FSIP1: variants seen among roughly 807,000 people sequenced by gnomAD.
FSIP1 encodes fibrous sheath interacting protein 1, also known as fibrous sheath-interacting protein 1.
A neutral mutation model predicts 60.9 loss-of-function variants in FSIP1; 65 were observed. The ratio of observed to expected loss-of-function variants is 1.07; its 90% CI spans 0.87 to 1.31. The LOEUF (loss-of-function observed/expected upper bound fraction) is 1.31, where lower values mean the gene tolerates loss of function less well. FSIP1 is among the 40% of genes most tolerant of loss of function. FSIP1 has a pLI of 0.00. For synonymous variants in FSIP1, 209 were observed against 221.2 expected (o/e 0.94, Z 0.49); for missense variants, 675 against 665.5 (o/e 1.01, Z -0.16).
intron 10 of FSIP1, among the ~76,000 whole-genome samples, chr15:39,660,605 G>A (rs1893258632): frequency 1.3e-5 from 2 of 152,114 alleles, no homozygotes; most frequent in Admixed American, 1.3e-4. Context: ...AAAAGATAAA[G>A]TACATAAGTA....
intron 10 of FSIP1, among the ~76,000 whole-genome samples, chr15:39,645,639 C>T (rs1215704802): frequency 2.0e-5 from 3 of 152,158 alleles, no homozygotes; most frequent in Admixed American, 2.0e-4. Context: ...CTGCCTCTTC[C>T]GAGTTGGCCA....
At chr15:39,692,805 T>C (rs191767104) in intron 10 of FSIP1, among the ~76,000 whole-genome samples, 1 of 152,248 alleles carries the variant, frequency 6.6e-6, no homozygotes, top group East Asian at 1.9e-4. Context: ...ATCTTTGTGT[T>C]TGCACAGCAG....
intron 10 of FSIP1, among the ~76,000 whole-genome samples, chr15:39,624,775 C>A (rs1285663766): frequency 6.6e-6 from 1 of 152,178 alleles, no homozygotes; most frequent in African/African-American, 2.4e-5. Flanking sequence ...GACAATCTGG[C>A]ATATTTTTCA....
chr15:39,654,370 A>C (rs894355927), intron 10 of FSIP1, among the ~76,000 whole-genome samples: 31 of 152,236 alleles, frequency 2.0e-4, no homozygotes. Flanking sequence ...GTGATGTTAC[A>C]ACAGCTACCT....
At chr15:39,676,563 G>A (rs1396288031) in intron 10 of FSIP1, among the ~76,000 whole-genome samples, 1 of 152,104 alleles carries the variant, frequency 6.6e-6, no homozygotes, top group Non-Finnish European at 1.5e-5. Context: ...TCCGTGAAAG[G>A]CACATTTGCC....
At chr15:39,640,844 T>C (rs1165446816) in intron 10 of FSIP1, among the ~76,000 whole-genome samples, 1 of 152,158 alleles carries the variant, frequency 6.6e-6, no homozygotes, top group African/African-American at 2.4e-5. Context: ...CATTGAGCAG[T>C]GTATGAAAGG....
At chr15:39,779,620 C>T (rs184387893) in intron 1 of FSIP1, among the ~76,000 whole-genome samples, 2 of 152,280 alleles carry the variant, frequency 1.3e-5, no homozygotes, top group East Asian at 3.9e-4. Context: ...TGAGCATTTT[C>T]TTATGACATT....
rs1228745055 is a variant in FSIP1, at chr15:39,712,192, T to C, written c.1188+1252A>G. On this transcript the variant is annotated intron_variant, in intron 10 of 11. Coordinates refer to ENST00000350221, the MANE Select transcript of FSIP1 (RefSeq NM_152597.5). ...AGGGGGCCTGAGCTCCTGTAGGCTC[T>C]GTGTCAGTGCTGCTGCAGTGGGCCT... Among the ~76,000 whole-genome samples, 5 of 144,224 alleles carry C rather than the reference T, an allele frequency of 3.5e-5. No individual in the cohort carries two copies. The South Asian group carries it at 1.1e-3, about 31-fold the overall frequency. 94.6% of individuals were successfully genotyped at this position (144,224 alleles called of 152,430 possible). A position where few individuals can be genotyped will look rare whatever the true frequency, so the allele number is the denominator to read the frequency against.
At chr15:39,751,016 T>G (rs1472072554) in intron 5 of FSIP1, among the ~76,000 whole-genome samples, 1 of 151,796 alleles carries the variant, frequency 6.6e-6, no homozygotes, top group Admixed American at 6.6e-5. Context: ...ACCAACAATA[T>G]GAAAAGGTGC....
intron 10 of FSIP1, among the ~76,000 whole-genome samples, chr15:39,671,014 A>G (rs1417680910): frequency 1.3e-5 from 2 of 152,248 alleles, no homozygotes; most frequent in African/African-American, 4.8e-5. Context: ...TACCTCCTGC[A>G]GAGAAATAGA....
chr15:39,623,334 T>C (rs1891513826), intron 10 of FSIP1, among the ~76,000 whole-genome samples: 2 of 152,214 alleles, frequency 1.3e-5, no homozygotes, highest in African/African-American at 2.4e-5. Flanking sequence ...GAAGCAATCT[T>C]GTCCTTTGAT....
At position 39,744,289 on chromosome 15, in the gene FSIP1, G is replaced by GA. The variant is rs569355438; in HGVS notation, c.560-2390dup. ...TCACTACAAACATTCATGTGAGAAG[G>GA]AAAAAAAAATCTCCCTTTAGAGATC... On this transcript the variant is annotated intron_variant, in intron 5 of 11. Coordinates refer to ENST00000350221, the MANE Select transcript of FSIP1 (RefSeq NM_152597.5). Among the ~76,000 whole-genome samples, 116 of 150,838 alleles carry GA rather than the reference G, an allele frequency of 7.7e-4. No individual in the cohort carries two copies. The East Asian group carries it at 0.011, about 14-fold the overall frequency.
Position 39,690,265 on chromosome 15 carries a change from G to A in FSIP1, c.1188+23179C>T, listed in dbSNP as rs73395217. 9.3e-3 allele frequency among the ~76,000 whole-genome samples: 1,418 copies of A among 152,232 alleles called. 20 individuals carry two copies. Among genetic ancestry groups the A allele is most frequent in the African/African-American group, 0.032 (1,338 of 41,520 alleles). ...GGCCATTATAGGATGTTAATCAGGG[G>A]AGTGACATATCATATTTGCATTCTG... On this transcript the variant is annotated intron_variant, in intron 10 of 11. Transcript: ENST00000350221.
intron 2 of FSIP1, among the ~76,000 whole-genome samples, chr15:39,773,445 A>C (rs1336036908): frequency 6.6e-6 from 1 of 152,232 alleles, no homozygotes; most frequent in Non-Finnish European, 1.5e-5. Flanking sequence ...CCTGTAGCTT[A>C]GTAGGTTCAA....
intron 10 of FSIP1, among the ~76,000 whole-genome samples, chr15:39,618,666 G>A (rs1358991509): frequency 1.3e-5 from 2 of 152,232 alleles, no homozygotes; most frequent in Non-Finnish European, 2.9e-5. Flanking sequence ...TCTAGGCAGA[G>A]GCCAGGGGCA....
At chr15:39,671,275 C>T (rs1203929382) in intron 10 of FSIP1, among the ~76,000 whole-genome samples, 5 of 151,864 alleles carry the variant, frequency 3.3e-5, no homozygotes, top group African/African-American at 4.8e-5. Context: ...TTTTTTTTCA[C>T]GTTTTCCATC....
At chr15:39,630,576 C>T (rs1891841865) in intron 10 of FSIP1, among the ~76,000 whole-genome samples, 1 of 152,150 alleles carries the variant, frequency 6.6e-6, no homozygotes, top group South Asian at 2.1e-4. Context: ...CTACTATGCA[C>T]CACATACAGT....
chr15:39,608,035 T>C (rs557865959), intron 11 of FSIP1, among the ~76,000 whole-genome samples: 15 of 152,354 alleles, frequency 9.8e-5, no homozygotes, highest in African/African-American at 3.4e-4. Context: ...TTTAGTATTT[T>C]AGAATAAAAT....
At chr15:39,755,480 T>C (rs1273790510) in intron 5 of FSIP1, among the ~76,000 whole-genome samples, 1 of 152,074 alleles carries the variant, frequency 6.6e-6, no homozygotes, top group African/African-American at 2.4e-5. Context: ...ATGAAGCACA[T>C]AGTAATAGTT....
Sources: allele counts gnomAD v4.1 joint callset (sites outside exome capture counted in the v4.1 genomes callset), GRCh38; gene constraint gnomAD v4.1.1; transcripts MANE v1.5; gene names NCBI Gene and HGNC (gene_info 2026-07-23, HGNC 2026-07-21).